NRG3: variants seen among roughly 807,000 people sequenced by gnomAD.
NRG3 encodes pro-neuregulin-3, membrane-bound isoform.
Under a neutral mutation model 66.9 loss-of-function variants are expected in NRG3, and 31 were observed. The observed-to-expected ratio is 0.46, with a 90% CI of 0.35 to 0.63. NRG3 has a LOEUF of 0.63. NRG3 is among the 20% of genes least tolerant of loss of function. NRG3 has a pLI of 0.00. For synonymous variants in NRG3, 393 were observed against 359.4 expected (o/e 1.09, Z -1.06); for missense variants, 910 against 878.9 (o/e 1.04, Z -0.45).
intron 1 of NRG3, among the ~76,000 whole-genome samples, chr10:81,900,695 A>G (rs1843984162): frequency 6.6e-6 from 1 of 152,236 alleles, no homozygotes. Context: ...TTTTATAGGT[A>G]TGATTTACCC....
chr10:82,063,647 A>G (rs2064286325), intron 1 of NRG3, among the ~76,000 whole-genome samples: 1 of 152,190 alleles, frequency 6.6e-6, no homozygotes, highest in African/African-American at 2.4e-5. Context: ...TGGTAACTAA[A>G]GAAAGAAAAC....
At chr10:82,672,256 C>A (rs1565188258) in intron 2 of NRG3, among the ~76,000 whole-genome samples, 1 of 152,050 alleles carries the variant, frequency 6.6e-6, no homozygotes, top group Non-Finnish European at 1.5e-5. Context: ...TGAGAAGGAG[C>A]TGAGGCCATG....
chr10:82,068,384 C>G (rs1280749480), intron 1 of NRG3, among the ~76,000 whole-genome samples: 1 of 152,180 alleles, frequency 6.6e-6, no homozygotes, highest in Non-Finnish European at 1.5e-5. Flanking sequence ...TTGATTCCCT[C>G]CTTTATTCAA....
intron 1 of NRG3, among the ~76,000 whole-genome samples, chr10:82,244,732 A>G (rs1307073527): frequency 6.6e-6 from 1 of 151,960 alleles, no homozygotes; most frequent in Non-Finnish European, 1.5e-5. Flanking sequence ...CATTACAATT[A>G]TTGATTGACT....
At chr10:82,002,864 A>G (rs1045713791) in intron 1 of NRG3, among the ~76,000 whole-genome samples, 1 of 152,168 alleles carries the variant, frequency 6.6e-6, no homozygotes, top group Non-Finnish European at 1.5e-5. Context: ...ATTCTTTTAA[A>G]AAAAATTGAG....
intron 6 of NRG3, among the ~76,000 whole-genome samples, chr10:82,973,321 A>G (rs1054463424): frequency 4.6e-5 from 7 of 152,214 alleles, no homozygotes; most frequent in Non-Finnish European, 8.8e-5. Context: ...AGAGAAAAAC[A>G]GTGGAATGTG....
intron 2 of NRG3, among the ~76,000 whole-genome samples, chr10:82,558,808 G>A (rs2044828500): frequency 6.6e-6 from 1 of 152,060 alleles, no homozygotes; most frequent in African/African-American, 2.4e-5. Flanking sequence ...TAACAGGTCT[G>A]CTTCCGAGCT....
intron 1 of NRG3, among the ~76,000 whole-genome samples, chr10:82,290,361 G>C (rs992780551): frequency 6.6e-6 from 1 of 152,066 alleles, no homozygotes; most frequent in African/African-American, 2.4e-5. Context: ...TTCACATTTT[G>C]TATGTTTTAG....
chr10:82,027,536 C>T (rs1378131195), intron 1 of NRG3, among the ~76,000 whole-genome samples: 1 of 152,090 alleles, frequency 6.6e-6, no homozygotes, highest in South Asian at 2.1e-4. Context: ...AATTTTCTTC[C>T]TGTGCATTAA....
chr10:82,149,073 TG>T (rs1395315958), intron 1 of NRG3, among the ~76,000 whole-genome samples: 3 of 54,940 alleles, frequency 5.5e-5, no homozygotes, highest in Admixed American at 1.2e-4. Context: ...TTTTTGTTTT[TG>T]TTTTTTTTTT....
At chr10:82,811,027 C>T (rs963140774) in intron 3 of NRG3, among the ~76,000 whole-genome samples, 1 of 150,566 alleles carries the variant, frequency 6.6e-6, no homozygotes, top group Non-Finnish European at 1.5e-5. Flanking sequence ...TTTGCAGGGC[C>T]CCTTCCTTCA....
intron 3 of NRG3, among the ~76,000 whole-genome samples, chr10:82,806,846 G>A (rs2061308705): frequency 2.6e-5 from 4 of 152,106 alleles, no homozygotes; most frequent in Admixed American, 1.3e-4. Flanking sequence ...AGAGCCTGTT[G>A]TAGACATCAG....
intron 3 of NRG3, among the ~76,000 whole-genome samples, chr10:82,857,902 A>C (rs1035568913): frequency 6.6e-6 from 1 of 152,204 alleles, no homozygotes; most frequent in African/African-American, 2.4e-5. Context: ...ATGCTTGAAA[A>C]AGGATGAAGT....
chr10:82,206,050 C>T (rs896764781), intron 1 of NRG3, among the ~76,000 whole-genome samples: 3 of 152,200 alleles, frequency 2.0e-5, no homozygotes, highest in African/African-American at 7.2e-5. Flanking sequence ...TACTTTTCTT[C>T]CTTCTACCTA....
intron 1 of NRG3, among the ~76,000 whole-genome samples, chr10:82,298,062 T>G (rs1048836435): frequency 6.6e-6 from 1 of 152,104 alleles, no homozygotes; most frequent in African/African-American, 2.4e-5. Context: ...GAGGATCACT[T>G]GAGTCCAGGA....
At chr10:82,253,027 C>A (rs560386667) in intron 1 of NRG3, among the ~76,000 whole-genome samples, 5 of 152,272 alleles carry the variant, frequency 3.3e-5, no homozygotes, top group African/African-American at 1.2e-4. Context: ...ATCTCTCATT[C>A]CCTTTGCCTC....
intron 1 of NRG3, among the ~76,000 whole-genome samples, chr10:82,277,614 A>G (rs1443594063): frequency 2.0e-5 from 3 of 151,960 alleles, no homozygotes; most frequent in East Asian, 3.9e-4. Context: ...TTCCTTTCCT[A>G]TCATCCTCCA....
chr10:82,442,685 C>T (rs1384212851), intron 2 of NRG3, among the ~76,000 whole-genome samples: 1 of 148,234 alleles, frequency 6.7e-6, no homozygotes, highest in Non-Finnish European at 1.5e-5. Flanking sequence ...TCAGAGTCTA[C>T]ACATTTATCA....
At chr10:82,303,399 C>T (rs1002262101) in intron 1 of NRG3, among the ~76,000 whole-genome samples, 6 of 151,922 alleles carry the variant, frequency 3.9e-5, no homozygotes, top group African/African-American at 1.5e-4. Flanking sequence ...CTTATCCTCT[C>T]CAATTCATCT....
Sources: gnomAD v4.1 joint callset for allele counts (sites outside exome capture counted in the v4.1 genomes callset) on GRCh38, gnomAD v4.1.1 for gene constraint, MANE v1.5 for transcripts, NCBI Gene and HGNC (gene_info 2026-07-23, HGNC 2026-07-21) for gene names.